CDH13: variants seen among roughly 807,000 people sequenced by gnomAD.
CDH13 encodes cadherin 13.
Under a neutral mutation model 63.8 loss-of-function variants are expected in CDH13, and 24 were observed. The observed-to-expected ratio is 0.38, with a 90% CI of 0.27 to 0.53. The LOEUF (loss-of-function observed/expected upper bound fraction) is 0.53. Ranked by LOEUF, CDH13 falls within the 20% of genes least tolerant of loss-of-function variation. The pLI, the probability that CDH13 is intolerant of heterozygous loss-of-function variation, is 0.85. For synonymous variants in CDH13, 503 were observed against 355.3 expected (o/e 1.42, Z -4.67); for missense variants, 1,049 against 903.1 (o/e 1.16, Z -2.07).
chr16:82,771,901 C>A (rs1355640568), intron 1 of CDH13, among the ~76,000 whole-genome samples: 1 of 152,234 alleles, frequency 6.6e-6, no homozygotes, highest in African/African-American at 2.4e-5. Flanking sequence ...GTGCTGGCCC[C>A]TTTGGGGCAA....
intron 1 of CDH13, among the ~76,000 whole-genome samples, chr16:82,798,762 GT>G (rs1305223276): frequency 6.6e-6 from 1 of 152,152 alleles, no homozygotes; most frequent in African/African-American, 2.4e-5. Flanking sequence ...AGAGCTGGGG[GT>G]TGGTGTCTTT....
intron 6 of CDH13, among the ~76,000 whole-genome samples, chr16:83,421,357 G>T (rs2071708833): frequency 6.6e-6 from 1 of 152,176 alleles, no homozygotes; most frequent in Non-Finnish European, 1.5e-5. Context: ...AGTGATTGAA[G>T]GTAGGCAGTT....
Position 83,486,669 on chromosome 16 carries a change from A to C in CDH13, c.960+14A>C, listed in dbSNP as rs2073898048. On this transcript the variant is annotated intron_variant, in intron 7 of 13. Coordinates refer to ENST00000567109, the MANE Select transcript of CDH13 (RefSeq NM_001257.5). ...CTGGACCGAGAGGTGAGCTGAAAAG[A>C]ATACACTTTCTTTTTCACGAGAATA... The C allele has an allele frequency of 1.2e-6, 2 of 1,611,010 alleles. No homozygotes were observed. The highest frequency in any genetic ancestry group is 1.3e-5 in the African/African-American group (1 of 74,960).
At chr16:82,972,653 A>G (rs1908931640) in intron 2 of CDH13, among the ~76,000 whole-genome samples, 1 of 152,188 alleles carries the variant, frequency 6.6e-6, no homozygotes, top group Admixed American at 6.5e-5. Flanking sequence ...GTCACGTGGT[A>G]AGCATTTAAC....
intron 1 of CDH13, among the ~76,000 whole-genome samples, chr16:82,773,831 T>C (rs1025682077): frequency 3.9e-5 from 6 of 151,954 alleles, no homozygotes; most frequent in African/African-American, 1.4e-4. Flanking sequence ...TCACCCAGGC[T>C]GGAGTGCAAT....
At chr16:83,522,765 A>G (rs2074870407) in intron 7 of CDH13, among the ~76,000 whole-genome samples, 2 of 152,136 alleles carry the variant, frequency 1.3e-5, no homozygotes, top group Non-Finnish European at 2.9e-5. Flanking sequence ...GCCTGAATTC[A>G]GCCTTGGGGC....
intron 7 of CDH13, among the ~76,000 whole-genome samples, chr16:83,545,857 T>C (rs2150661265): frequency 6.6e-6 from 1 of 152,336 alleles, no homozygotes; most frequent in African/African-American, 2.4e-5. Flanking sequence ...GGAGAATTGA[T>C]GGCTCCCTTT....
intron 5 of CDH13, among the ~76,000 whole-genome samples, chr16:83,264,186 AT>A (rs572795293): frequency 2.6e-5 from 4 of 152,086 alleles, no homozygotes; most frequent in African/African-American, 7.2e-5. Context: ...CCCTGAATAC[AT>A]TTTTTTTCAT....
chr16:83,046,610 G>T (rs1917806127), intron 3 of CDH13, among the ~76,000 whole-genome samples: 1 of 152,124 alleles, frequency 6.6e-6, no homozygotes, highest in Non-Finnish European at 1.5e-5. Context: ...GGAGGAAATA[G>T]CCCACTGGGA....
At chr16:82,982,631 C>T (rs1286947464) in intron 2 of CDH13, among the ~76,000 whole-genome samples, 1 of 152,146 alleles carries the variant, frequency 6.6e-6, no homozygotes, top group African/African-American at 2.4e-5. Flanking sequence ...CTTATCCCCC[C>T]AACTATTTGC....
rs183340881 is a variant in CDH13, at chr16:83,281,584, A to G, written c.637-63278A>G. ...GGTACAAGAGGTCTGGCTTTCAGCT[A>G]TCTCAGCTTTCAACATGTCTTCGTC... On this transcript the variant is annotated intron_variant, in intron 5 of 13. Transcript: ENST00000567109. Among the ~76,000 whole-genome samples the G allele has an allele frequency of 6.0e-4, 92 of 152,278 alleles. 1 individual carries two copies. Among genetic ancestry groups the G allele is most frequent in the Admixed American group, 2.2e-3 (33 of 15,298 alleles).
intron 7 of CDH13, among the ~76,000 whole-genome samples, chr16:83,582,979 A>C (rs544926575): frequency 4.1e-3 from 619 of 152,302 alleles, no homozygotes; most frequent in Middle Eastern, 0.014. Flanking sequence ...ACTGAAATTT[A>C]TTCAGTTTAT....
At chr16:82,840,716 A>T (rs753521291) in intron 1 of CDH13, among the ~76,000 whole-genome samples, 1 of 150,966 alleles carries the variant, frequency 6.6e-6, no homozygotes, top group East Asian at 1.9e-4. Context: ...AAAAACTTGC[A>T]TAATGGAGCA....
At chr16:82,982,288 C>G (rs1342365462) in intron 2 of CDH13, among the ~76,000 whole-genome samples, 3 of 151,542 alleles carry the variant, frequency 2.0e-5, no homozygotes, top group Non-Finnish European at 4.4e-5. Context: ...TTATTTATGC[C>G]AATAATATCT....
intron 3 of CDH13, among the ~76,000 whole-genome samples, chr16:83,041,151 T>A (rs1020257157): frequency 6.6e-6 from 1 of 152,174 alleles, no homozygotes; most frequent in Non-Finnish European, 1.5e-5. Context: ...ACAAGTTGCC[T>A]CAATAAAGGG....
intron 2 of CDH13, among the ~76,000 whole-genome samples, chr16:83,008,803 C>G (rs144771660): frequency 1.3e-5 from 2 of 152,144 alleles, no homozygotes; most frequent in Admixed American, 6.5e-5. Context: ...CATTCTGACA[C>G]TGCTAATAAA....
chr16:83,129,109 G>A (rs1369718483), intron 4 of CDH13, among the ~76,000 whole-genome samples: 1 of 152,074 alleles, frequency 6.6e-6, no homozygotes, highest in African/African-American at 2.4e-5. Flanking sequence ...CACCACAGCT[G>A]ACGAGCTGTG....
rs375512568 is a variant in CDH13 at position 83,600,960 on chromosome 16, C to A, written c.961-1494C>A. On this transcript the variant is annotated intron_variant, in intron 7 of 13. Coordinates refer to ENST00000567109, the MANE Select transcript of CDH13 (RefSeq NM_001257.5). ...TCTTCTGCATTACCCCTCCTGTGGT[C>A]ATGAGATGACTCCTCTAGCTCCCCC... 3.3e-5 allele frequency among the ~76,000 whole-genome samples: 5 copies of A among 152,122 alleles called. No homozygotes were observed. The East Asian group carries it at 5.8e-4, about 18-fold the overall frequency.
At position 83,670,949 on chromosome 16, in the gene CDH13, G is replaced by C. The variant is rs377268917; in HGVS notation, c.1261G>C (p.Glu421Gln). ...FEIHTNPQTN[E>Q]GMLSVVKPLD... is the part of the protein sequence containing the mutation. ...AATCCACACCAACCCTCAAACCAAC[G>C]AAGGGATGCTTTCTGTTGTCAAAGT... The change falls in exon 9 of 14, where the codon GAA (glutamate) becomes CAA (glutamine). Residue 421 changes from glutamate to glutamine, a missense_variant. Coordinates refer to ENST00000567109, the MANE Select transcript of CDH13 (RefSeq NM_001257.5). 2 of 1,601,840 alleles carry C rather than the reference G, an allele frequency of 1.2e-6. No individual in the cohort carries two copies. The highest frequency in any genetic ancestry group is 1.7e-6 in the Non-Finnish European group (2 of 1,171,842).
Sources: gnomAD v4.1 joint callset for allele counts (sites outside exome capture counted in the v4.1 genomes callset) on GRCh38, gnomAD v4.1.1 for gene constraint, MANE v1.5 for transcripts, NCBI Gene and HGNC (gene_info 2026-07-23, HGNC 2026-07-21) for gene names.